MSRB3: variants seen among roughly 807,000 people sequenced by gnomAD.
The protein encoded by MSRB3 is methionine sulfoxide reductase B3.
In MSRB3, 13 loss-of-function variants were observed where a neutral mutation model predicts 21.0. The ratio of observed to expected loss-of-function variants is 0.62; its 90% CI spans 0.40 to 0.98. The LOEUF is 0.98. MSRB3 is among the 50% of genes least tolerant of loss of function. MSRB3 has a pLI of 0.00. For missense variants in MSRB3, 199 were observed against 230.3 expected, an observed-to-expected ratio of 0.86 and a Z score of 0.88; for synonymous variants, 87 against 88.6, an observed-to-expected ratio of 0.98 and a Z score of 0.10.
chr12:65,434,394 A>G (rs1882024967), intron 5 of MSRB3, among the ~76,000 whole-genome samples: 1 of 151,928 alleles, frequency 6.6e-6, no homozygotes, highest in South Asian at 2.1e-4. Context: ...AGGCAGTTTA[A>G]TATCTAGTTG....
intron 4 of MSRB3, among the ~76,000 whole-genome samples, chr12:65,341,998 G>GT (rs1049105757): frequency 1.3e-5 from 2 of 151,734 alleles, no homozygotes; most frequent in African/African-American, 4.8e-5. Context: ...AAACCAAAGT[G>GT]TTTTTTTCTG....
intron 5 of MSRB3, among the ~76,000 whole-genome samples, chr12:65,407,287 C>T (rs1880467644): frequency 6.6e-6 from 1 of 150,556 alleles, no homozygotes; most frequent in South Asian, 2.1e-4. Flanking sequence ...TACTTTCTCA[C>T]ATTTTTTCTC....
chr12:65,339,313 C>A (rs1261167945), intron 4 of MSRB3, among the ~76,000 whole-genome samples: 2 of 152,146 alleles, frequency 1.3e-5, no homozygotes, highest in Non-Finnish European at 2.9e-5. Context: ...TTGTGACAAA[C>A]AAAAATTCCT....
intron 4 of MSRB3, among the ~76,000 whole-genome samples, chr12:65,348,954 A>G (rs1022711385): frequency 6.6e-6 from 1 of 151,888 alleles, no homozygotes; most frequent in Non-Finnish European, 1.5e-5. Flanking sequence ...CATGTGCACA[A>G]TGTGCAGGTT....
At chr12:65,403,608 A>T (rs894443305) in intron 5 of MSRB3, among the ~76,000 whole-genome samples, 1 of 151,934 alleles carries the variant, frequency 6.6e-6, no homozygotes, top group South Asian at 2.1e-4. Context: ...TTTCCAGGGG[A>T]CAGAACAGTT....
In MSRB3 at chr12:65,293,134, T is replaced by C. The variant is rs1455630027; in HGVS notation, c.-52+14269T>C. ...CCTTGTTACCTAGCTTAATAAATGG[T>C]ACTGCTATTTGCCCAGTTACTTGAG... is the stretch of plus-strand genomic sequence containing the variant. On this transcript the variant is annotated intron_variant, in intron 1 of 6. Transcript: ENST00000308259. Among the ~76,000 whole-genome samples, 7 of 152,308 alleles carry C rather than the reference T, an allele frequency of 4.6e-5. No homozygotes were observed. The South Asian group carries it at 1.2e-3, about 27-fold the overall frequency.
intron 4 of MSRB3, among the ~76,000 whole-genome samples, chr12:65,329,075 T>C (rs1251512438): frequency 1.3e-5 from 2 of 152,214 alleles, no homozygotes; most frequent in Non-Finnish European, 1.5e-5. Flanking sequence ...TACCTTTACA[T>C]AGGTAAGCAA....
At chr12:65,456,888 A>G (rs1398130112) in intron 6 of MSRB3, among the ~76,000 whole-genome samples, 1 of 152,222 alleles carries the variant, frequency 6.6e-6, no homozygotes, top group Non-Finnish European at 1.5e-5. Flanking sequence ...GCACAAAAAC[A>G]GCGTACTGAA....
chr12:65,431,479 C>A (rs1017307157), intron 5 of MSRB3, among the ~76,000 whole-genome samples: 1 of 151,954 alleles, frequency 6.6e-6, no homozygotes, highest in Non-Finnish European at 1.5e-5. Flanking sequence ...CCTTTCCTGT[C>A]AGGTTTTCAT....
At chr12:65,424,478 C>G (rs922738906) in intron 5 of MSRB3, among the ~76,000 whole-genome samples, 8 of 151,988 alleles carry the variant, frequency 5.3e-5, no homozygotes, top group Non-Finnish European at 7.4e-5. Flanking sequence ...AGTGATTTTG[C>G]TGCATCCGAT....
intron 2 of MSRB3, among the ~76,000 whole-genome samples, chr12:65,311,383 T>G (rs954215989): frequency 6.6e-6 from 1 of 152,096 alleles, no homozygotes; most frequent in African/African-American, 2.4e-5. Context: ...CACCACTAGT[T>G]TTTAAAGTGT....
rs572373537 is a variant in MSRB3, at chr12:65,446,976, C to T, written c.293-6752C>T. Among the ~76,000 whole-genome samples, 15 of 152,274 alleles carry T rather than the reference C, an allele frequency of 9.9e-5. 1 individual carries two copies. Among genetic ancestry groups the T allele is most frequent in the African/African-American group, 3.6e-4 (15 of 41,550 alleles). ...AGAATGACAGATCATTAGTTACCCACAAGAAAACAAGCCTGGAAGACTGCT... is the reference window on the plus strand; with the variant it reads ...AGAATGACAGATCATTAGTTACCCATAAGAAAACAAGCCTGGAAGACTGCT... On this transcript the variant is annotated intron_variant, in intron 5 of 6. Coordinates refer to ENST00000308259, the MANE Select transcript of MSRB3 (RefSeq NM_001031679.3).
intron 1 of MSRB3, among the ~76,000 whole-genome samples, chr12:65,282,269 A>G (rs1872071332): frequency 6.6e-6 from 1 of 151,506 alleles, no homozygotes; most frequent in Non-Finnish European, 1.5e-5. Flanking sequence ...GTGAGCCAAG[A>G]TCATGCCACT....
At chr12:65,400,289 C>G in intron 5 of MSRB3, among the ~76,000 whole-genome samples, 1 of 151,654 alleles carries the variant, frequency 6.6e-6, no homozygotes, top group East Asian at 1.9e-4. Flanking sequence ...ATTTCAGAAC[C>G]TGTTATTGGT....
chr12:65,463,134 C>T (rs569750753), intron 6 of MSRB3, 21 bp from the exon 7 acceptor site: 167 of 1,613,620 alleles, frequency 1.0e-4, no homozygotes, highest in East Asian at 2.7e-4. Context: ...TTTTCCCTGA[C>T]GTTTTGTTCT....
intron 4 of MSRB3, among the ~76,000 whole-genome samples, chr12:65,366,153 G>A (rs1319374460): frequency 2.6e-5 from 4 of 152,192 alleles, no homozygotes; most frequent in African/African-American, 9.7e-5. Flanking sequence ...TGCATTAAGA[G>A]TTCTCTGAGC....
At chr12:65,400,664 G>A (rs982995561) in intron 5 of MSRB3, among the ~76,000 whole-genome samples, 1 of 152,016 alleles carries the variant, frequency 6.6e-6, no homozygotes, top group Non-Finnish European at 1.5e-5. Context: ...TTTTGAATTT[G>A]TTTGCTCTTG....
chr12:65,413,783 A>T (rs1230546319), intron 5 of MSRB3, among the ~76,000 whole-genome samples: 1 of 152,144 alleles, frequency 6.6e-6, no homozygotes, highest in African/African-American at 2.4e-5. Flanking sequence ...AACTGCTATT[A>T]AAAAAACCCA....
At chr12:65,318,545 A>C (rs1196735815) in intron 2 of MSRB3, among the ~76,000 whole-genome samples, 1 of 152,026 alleles carries the variant, frequency 6.6e-6, no homozygotes, top group South Asian at 2.1e-4. Context: ...GAAGACCCAT[A>C]CTGGAAAAAA....
Sources: allele counts gnomAD v4.1 joint callset (sites outside exome capture counted in the v4.1 genomes callset), GRCh38; gene constraint gnomAD v4.1.1; transcripts MANE v1.5; gene names NCBI Gene and HGNC (gene_info 2026-07-23, HGNC 2026-07-21).